CACHD1: variants seen among roughly 807,000 people sequenced by gnomAD.
CACHD1 encodes cache domain containing 1.
A neutral mutation model predicts 138.7 loss-of-function variants in CACHD1; 71 were observed. That is an observed-to-expected ratio of 0.51 (90% CI 0.42 to 0.62). CACHD1 has a LOEUF of 0.62. Ranked by LOEUF, CACHD1 falls within the 20% of genes least tolerant of loss-of-function variation. The probability of loss-of-function intolerance (pLI) is 0.00; values close to 1 mark genes in which losing one functional copy is unlikely to be tolerated. For synonymous variants in CACHD1, 578 were observed against 591.5 expected, an observed-to-expected ratio of 0.98 and a Z score of 0.33; for missense variants, 1,389 against 1,625.3, an observed-to-expected ratio of 0.85 and a Z score of 2.50.
intron 2 of CACHD1, among the ~76,000 whole-genome samples, chr1:64,567,875 CTCAGTTG>C (rs1646895460): frequency 6.6e-6 from 1 of 152,114 alleles, no homozygotes; most frequent in South Asian, 2.1e-4. Flanking sequence ...AGTTTAAATG[CTCAGTTG>C]TCAGGGGTAA....
intron 2 of CACHD1, among the ~76,000 whole-genome samples, chr1:64,555,712 C>T (rs1346561784): frequency 6.6e-6 from 1 of 152,168 alleles, no homozygotes; most frequent in African/African-American, 2.4e-5. Context: ...TGAGCCACCC[C>T]GCCTGGCCTC....
chr1:64,479,625 G>A (rs116486844), intron 1 of CACHD1, among the ~76,000 whole-genome samples: 550 of 152,214 alleles, frequency 3.6e-3, no homozygotes, highest in African/African-American at 0.01. Flanking sequence ...CTTGTTCTGC[G>A]GGCAGCAGAA....
chr1:64,559,318 TA>T (rs1490899850), intron 2 of CACHD1, among the ~76,000 whole-genome samples: 1 of 152,188 alleles, frequency 6.6e-6, no homozygotes, highest in Non-Finnish European at 1.5e-5. Flanking sequence ...TATGCAACCA[TA>T]AAACAAGATC....
At chr1:64,507,541 A>G (rs1482936842) in intron 1 of CACHD1, among the ~76,000 whole-genome samples, 2 of 152,236 alleles carry the variant, frequency 1.3e-5, no homozygotes, top group Non-Finnish European at 2.9e-5. Flanking sequence ...GAGGTGGAGC[A>G]TGGGCTCTAA....
chr1:64,599,610 A>G (rs1647194058), intron 3 of CACHD1, among the ~76,000 whole-genome samples: 1 of 152,204 alleles, frequency 6.6e-6, no homozygotes, highest in African/African-American at 2.4e-5. Context: ...TGGTGAAACT[A>G]CTTTATGATG....
At chr1:64,515,887 C>T (rs1447636916) in intron 1 of CACHD1, among the ~76,000 whole-genome samples, 1 of 152,128 alleles carries the variant, frequency 6.6e-6, no homozygotes, top group Non-Finnish European at 1.5e-5. Context: ...GACTTGACTC[C>T]TTCTTTTGCC....
chr1:64,596,112 G>T (rs190213575), intron 3 of CACHD1, among the ~76,000 whole-genome samples: 21 of 152,296 alleles, frequency 1.4e-4, no homozygotes, highest in Admixed American at 6.5e-4. Context: ...TCAGTCGAGG[G>T]GGGGGTTGAG....
At chr1:64,636,315 C>A (rs1438640683) in intron 7 of CACHD1, among the ~76,000 whole-genome samples, 1 of 152,142 alleles carries the variant, frequency 6.6e-6, no homozygotes, top group Non-Finnish European at 1.5e-5. Context: ...AATGATGGTA[C>A]ATGGTGTGTT....
intron 3 of CACHD1, among the ~76,000 whole-genome samples, chr1:64,599,052 C>G (rs1647188669): frequency 1.3e-5 from 2 of 151,820 alleles, no homozygotes; most frequent in South Asian, 4.2e-4. Flanking sequence ...CTGCCTTACC[C>G]CTGTCACTGA....
Position 64,634,164 on chromosome 1 carries a change from G to C in CACHD1, c.910G>C (p.Val304Leu), listed in dbSNP as rs767389262. The C allele has an allele frequency of 6.2e-7, 1 of 1,613,718 alleles. No individual in the cohort carries two copies. Among genetic ancestry groups the C allele is most frequent in the Non-Finnish European group, 8.5e-7 (1 of 1,179,962 alleles). Residue 304 changes from valine (V) to leucine (L), a missense_variant, in exon 7 of 27, where the codon GTG becomes CTG. Coordinates refer to ENST00000651257, the MANE Select transcript of CACHD1 (RefSeq NM_020925.4). Reference protein sequence around the residue: ...KRKMSTFVSSVKSSDSPTQHA... With the variant: ...KRKMSTFVSSLKSSDSPTQHA... ...GAAAATGTCCACCTTTGTTAGCAGC[G>C]TGAAGTCTTCAGACAGTCCTACCCA...
In CACHD1 at chr1:64,681,541, G is replaced by GGTTTTTTTTTTTTTTT. The variant is rs1553146851; in HGVS notation, c.3484+206_3484+207insGTTTTTTTTTTTTTTT. Among the ~76,000 whole-genome samples, 59 of 68,144 alleles carry GGTTTTTTTTTTTTTTT rather than the reference G, an allele frequency of 8.7e-4. 7 individuals are homozygous for GGTTTTTTTTTTTTTTT. Among genetic ancestry groups the GGTTTTTTTTTTTTTTT allele is most frequent in the African/African-American group, 2.8e-3 (38 of 13,656 alleles). The allele number at this position is 68,144 out of a possible 152,430, so 44.7% of individuals were successfully genotyped here. ...AGAGAATCTCAAAAGATTTTATTGT[G>GGTTTTTTTTTTTTTTT]TTTTTTTTTTTTTTTTTTTTTTTGC... is the stretch of plus-strand genomic sequence containing the variant. On this transcript the variant is annotated intron_variant, in intron 25 of 26. Transcript: ENST00000651257.
chr1:64,533,250 G>A (rs972233477), intron 1 of CACHD1, among the ~76,000 whole-genome samples: 1 of 152,174 alleles, frequency 6.6e-6, no homozygotes, highest in Admixed American at 6.5e-5. Flanking sequence ...CAGCTACATG[G>A]GAGGCTGAGA....
chr1:64,623,654 C>T (rs1400760128), intron 4 of CACHD1, among the ~76,000 whole-genome samples: 5 of 152,032 alleles, frequency 3.3e-5, no homozygotes, highest in Admixed American at 1.3e-4. Flanking sequence ...ACCGATAATG[C>T]GGAGTGGAAG....
At position 64,676,953 on chromosome 1, in the gene CACHD1, C is replaced by T; in HGVS notation, c.3034C>T (p.Leu1012=). The change falls in exon 22 of 27, where the codon CTG becomes TTG. Residue 1012 remains leucine, a synonymous_variant. Transcript: ENST00000651257. ...PVTYTAIDPG[L]QDALHQCVNS... ...GACATACACAGCTATTGACCCTGGC[C>T]TGCAAGATGCTCTTCACCAGTGTGT... The T allele has an allele frequency of 8.7e-6, 14 of 1,614,064 alleles. No individual in the cohort carries two copies. Among genetic ancestry groups the T allele is most frequent in the Non-Finnish European group, 1.2e-5 (14 of 1,179,944 alleles).
intron 3 of CACHD1, among the ~76,000 whole-genome samples, chr1:64,596,609 A>G (rs1404770079): frequency 6.6e-6 from 1 of 152,198 alleles, no homozygotes; most frequent in African/African-American, 2.4e-5. Context: ...CACTGGCAGC[A>G]AAGGCCTGCT....
chr1:64,477,595 T>G (rs1005120686), intron 1 of CACHD1, among the ~76,000 whole-genome samples: 1 of 141,536 alleles, frequency 7.1e-6, no homozygotes, highest in Non-Finnish European at 1.5e-5. Flanking sequence ...ATTATTATTA[T>G]TATTATTATT....
chr1:64,543,663 G>A (rs982446701), intron 1 of CACHD1, among the ~76,000 whole-genome samples: 16 of 151,530 alleles, frequency 1.1e-4, no homozygotes, highest in African/African-American at 1.9e-4. Context: ...AGAGAATGCC[G>A]TTTTTATTGG....
intron 1 of CACHD1, among the ~76,000 whole-genome samples, chr1:64,524,760 T>C (rs1244062932): frequency 6.6e-6 from 1 of 152,180 alleles, no homozygotes; most frequent in Non-Finnish European, 1.5e-5. Flanking sequence ...GTTACAAAAA[T>C]AACTCTGGAA....
chr1:64,647,535 G>A (rs1648948788), intron 8 of CACHD1, among the ~76,000 whole-genome samples: 1 of 151,978 alleles, frequency 6.6e-6, no homozygotes, highest in African/African-American at 2.4e-5. Context: ...TTACTGAATG[G>A]GACTCCTTTA....
Sources: gnomAD v4.1 joint callset for allele counts (sites outside exome capture counted in the v4.1 genomes callset) on GRCh38, gnomAD v4.1.1 for gene constraint, MANE v1.5 for transcripts, NCBI Gene and HGNC (gene_info 2026-07-23, HGNC 2026-07-21) for gene names.